ASTN1: variants seen among roughly 807,000 people sequenced by gnomAD.
The protein encoded by ASTN1 is astrotactin 1.
A neutral mutation model predicts 140.7 loss-of-function variants in ASTN1; 41 were observed. That is an observed-to-expected ratio of 0.29 (90% CI 0.23 to 0.38). ASTN1 has a LOEUF of 0.38. ASTN1 is among the 10% of genes least tolerant of loss of function. ASTN1 has a pLI of 1.00. For missense variants in ASTN1, 1,479 were observed against 1,678.8 expected, an observed-to-expected ratio of 0.88 and a Z score of 2.08; for synonymous variants, 640 against 652.2, an observed-to-expected ratio of 0.98 and a Z score of 0.29.
chr1:177,063,506 A>G (rs1678200585), intron 1 of ASTN1, among the ~76,000 whole-genome samples: 1 of 152,270 alleles, frequency 6.6e-6, no homozygotes, highest in East Asian at 1.9e-4. Context: ...AGACTTCTCC[A>G]GGAAAAGAGT....
chr1:177,053,728 T>C (rs1348974962), intron 2 of ASTN1, among the ~76,000 whole-genome samples: 2 of 152,260 alleles, frequency 1.3e-5, no homozygotes, highest in Non-Finnish European at 2.9e-5. Context: ...GAAGCTAAGT[T>C]CATTGTTACA....
chr1:176,864,515 A>C lies in ASTN1; in HGVS notation c.3654T>G (p.Ala1218=). The part of the protein sequence containing the change: ...RCEDELGPRK[A]GLILSQLGDL... ...CCCCAAGCTGGGAAAGGATGAGACCAGCTTTCCTATGGATCAAGCACAGAG... is the reference window on the plus strand; with the variant it reads ...CCCCAAGCTGGGAAAGGATGAGACCCGCTTTCCTATGGATCAAGCACAGAG... Residue 1218 remains alanine, a synonymous_variant, in exon 23 of 23, where the codon GCT becomes GCG. Coordinates refer to ENST00000361833, the MANE Select transcript of ASTN1 (RefSeq NM_004319.3). The C allele has an allele frequency of 6.2e-7, 1 of 1,614,064 alleles. No individual in the cohort carries two copies. The highest frequency in any genetic ancestry group is 8.5e-7 in the Non-Finnish European group (1 of 1,179,938).
chr1:176,979,110 G>A (rs959261515), intron 8 of ASTN1, among the ~76,000 whole-genome samples: 3 of 152,180 alleles, frequency 2.0e-5, no homozygotes, highest in African/African-American at 7.2e-5. Flanking sequence ...CATGTATGGT[G>A]AAGGGGAGCC....
rs1432542247 is a variant in ASTN1 at position 177,032,496 on chromosome 1, C to G, written c.825G>C (p.Leu275=). ...ASQVTRTLDS[L]QGCNEKSGMD... ...TCCCCGACTTTTCATTGCAGCCCTGCAGGGAGTCGAGGGTGCGCGTGACCT... is the reference window on the plus strand; with the variant it reads ...TCCCCGACTTTTCATTGCAGCCCTGGAGGGAGTCGAGGGTGCGCGTGACCT... The change falls in exon 3 of 23, where the codon CTG becomes CTC. Residue 275 remains leucine, a synonymous_variant. Coordinates refer to ENST00000361833, the MANE Select transcript of ASTN1 (RefSeq NM_004319.3). 1.2e-6 allele frequency: 2 copies of G among 1,614,012 alleles called. No individual in the cohort carries two copies. The highest frequency in any genetic ancestry group is 1.7e-6 in the Non-Finnish European group (2 of 1,180,026).
At chr1:177,162,347 T>G (rs558552660) in intron 1 of ASTN1, among the ~76,000 whole-genome samples, 2 of 152,292 alleles carry the variant, frequency 1.3e-5, no homozygotes, top group Admixed American at 1.3e-4. Context: ...CCCCACTGAC[T>G]GGGAGAGTGG....
At chr1:177,149,259 T>G (rs1682883374) in intron 1 of ASTN1, among the ~76,000 whole-genome samples, 1 of 96,834 alleles carries the variant, frequency 1.0e-5, no homozygotes, top group African/African-American at 4.7e-5. Flanking sequence ...ATATAGTAAA[T>G]ATATATATAC....
intron 1 of ASTN1, among the ~76,000 whole-genome samples, chr1:177,105,584 A>G (rs1226562100): frequency 6.6e-6 from 1 of 151,936 alleles, no homozygotes. Flanking sequence ...CATAACTAAC[A>G]TGGTCATCCC....
At chr1:177,050,618 T>C (rs558779067) in intron 2 of ASTN1, among the ~76,000 whole-genome samples, 4 of 152,326 alleles carry the variant, frequency 2.6e-5, no homozygotes, top group African/African-American at 7.2e-5. Context: ...GGAAGGCTAC[T>C]GACATCTGCC....
rs146183579 is a variant in ASTN1, at chr1:176,885,630, C to T, written c.3075-1140G>A. The stretch of plus-strand genomic sequence containing the variant: ...GCTTGGCTCACAGGTGCCTGTCGGT[C>T]GTCTCAAGGATCACTGTGCAAGGTA... On this transcript the variant is annotated intron_variant, in intron 18 of 22. Coordinates refer to ENST00000361833, the MANE Select transcript of ASTN1 (RefSeq NM_004319.3). Among the ~76,000 whole-genome samples the T allele has an allele frequency of 2.4e-4, 37 of 152,180 alleles. No homozygotes were observed. In the East Asian group the frequency reaches 5.6e-3, roughly 23 times the overall value.
chr1:176,901,370 T>C (rs7553745), intron 16 of ASTN1, among the ~76,000 whole-genome samples: 6,632 of 152,178 alleles, frequency 0.044, 437 homozygotes, highest in African/African-American at 0.15. Flanking sequence ...TGTGGTTCAA[T>C]ATGGTGAGAA....
chr1:177,149,569 C>G (rs189139921), intron 1 of ASTN1, among the ~76,000 whole-genome samples: 1,452 of 52,106 alleles, frequency 0.028, 123 homozygotes, highest in African/African-American at 0.14. Flanking sequence ...TATATATACA[C>G]TGTATATATA....
intron 1 of ASTN1, among the ~76,000 whole-genome samples, chr1:177,140,705 G>A (rs533865234): frequency 9.8e-5 from 15 of 152,294 alleles, no homozygotes; most frequent in Non-Finnish European, 2.1e-4. Flanking sequence ...ATTGGACACA[G>A]TAAAAACAAG....
At chr1:176,927,025 C>T (rs1323841596) in intron 16 of ASTN1, among the ~76,000 whole-genome samples, 1 of 152,148 alleles carries the variant, frequency 6.6e-6, no homozygotes, top group Non-Finnish European at 1.5e-5. Flanking sequence ...CACATAAAAA[C>T]GTGGAAGACA....
chr1:177,083,889 T>C (rs879442189), intron 1 of ASTN1, among the ~76,000 whole-genome samples: 1 of 152,216 alleles, frequency 6.6e-6, no homozygotes, highest in Non-Finnish European at 1.5e-5. Flanking sequence ...CAGAGGTCTC[T>C]AGGGATAGAC....
intron 1 of ASTN1, among the ~76,000 whole-genome samples, chr1:177,120,320 C>T (rs980815032): frequency 6.6e-6 from 1 of 152,144 alleles, no homozygotes; most frequent in African/African-American, 2.4e-5. Flanking sequence ...AGAAATCAAG[C>T]CTTGAGCCTG....
Position 176,934,215 on chromosome 1 carries a change from T to C in ASTN1, c.2608A>G (p.Ile870Val). ...TGGACCTGCTTGTTTGGGTACCAGA[T>C]AGAACAGGACTCCTCAAAGCCGTAG... The part of the protein sequence containing the change: ...AIYGFEESCS[I>V]WYPNKQVQRR... Residue 870 changes from isoleucine (I) to valine (V), a missense_variant, in exon 16 of 23, where the codon ATC becomes GTC. By Grantham distance (29) the Ile-to-Val change is conservative (BLOSUM62 3). Coordinates refer to ENST00000361833, the MANE Select transcript of ASTN1 (RefSeq NM_004319.3). 4.3e-6 allele frequency: 7 copies of C among 1,613,932 alleles called. No individual in the cohort carries two copies. Among genetic ancestry groups the C allele is most frequent in the East Asian group, 2.2e-5 (1 of 44,884 alleles).
chr1:177,161,567 C>T (rs1647372158), intron 1 of ASTN1, among the ~76,000 whole-genome samples: 2 of 152,160 alleles, frequency 1.3e-5, no homozygotes, highest in Admixed American at 1.3e-4. Context: ...AAAGAGCCTT[C>T]CAGGCAGAGT....
intron 1 of ASTN1, among the ~76,000 whole-genome samples, chr1:177,122,264 G>T (rs545036185): frequency 6.6e-6 from 1 of 152,278 alleles, no homozygotes; most frequent in Admixed American, 6.5e-5. Flanking sequence ...GAAAAGACAT[G>T]GGTCAGAAGT....
chr1:177,105,098 T>G (rs528103596), intron 1 of ASTN1, among the ~76,000 whole-genome samples: 8 of 152,270 alleles, frequency 5.3e-5, no homozygotes, highest in African/African-American at 1.9e-4. Flanking sequence ...AGTGAGTCGC[T>G]TAGGAATTCT....
Sources: gnomAD v4.1 joint callset for allele counts (sites outside exome capture counted in the v4.1 genomes callset) on GRCh38, gnomAD v4.1.1 for gene constraint, MANE v1.5 for transcripts, NCBI Gene and HGNC (gene_info 2026-07-23, HGNC 2026-07-21) for gene names.